DSCC1: variants seen among roughly 807,000 people sequenced by gnomAD.
DSCC1 encodes the protein sister chromatid cohesion protein DCC1.
A neutral mutation model predicts 48.2 loss-of-function variants in DSCC1; 32 were observed. That is an observed-to-expected ratio of 0.66 (90% CI 0.50 to 0.89). The LOEUF (loss-of-function observed/expected upper bound fraction) is 0.89, where lower values mean the gene tolerates loss of function less well. Among genes scored for constraint, DSCC1 ranks in the 40% least tolerant of loss-of-function variants. The pLI, the probability that DSCC1 is intolerant of heterozygous loss-of-function variation, is 0.00. For synonymous variants in DSCC1, 150 were observed against 171.5 expected, an observed-to-expected ratio of 0.87 and a Z score of 0.98; for missense variants, 421 against 471.7, an observed-to-expected ratio of 0.89 and a Z score of 1.00.
intron 3 of DSCC1, among the ~76,000 whole-genome samples, chr8:119,849,975 TC>T (rs1429214509): frequency 2.0e-5 from 3 of 152,154 alleles, no homozygotes; most frequent in Non-Finnish European, 4.4e-5. Flanking sequence ...TTCCATTATG[TC>T]CCCTCTCAAG....
chr8:119,849,184 CAAA>C (rs550853227), intron 3 of DSCC1, among the ~76,000 whole-genome samples: 11 of 29,506 alleles, frequency 3.7e-4, no homozygotes, highest in Admixed American at 1.0e-3. Context: ...GACTCCCTCT[CAAA>C]AAAAAAAAAA....
intron 8 of DSCC1, among the ~76,000 whole-genome samples, chr8:119,837,333 A>G (rs545185795): frequency 1.3e-5 from 2 of 152,206 alleles, no homozygotes; most frequent in African/African-American, 2.4e-5. Context: ...CAATTCATAC[A>G]CTACACAGGA....
chr8:119,855,277 A>C (rs1826999739), intron 1 of DSCC1, among the ~76,000 whole-genome samples: 1 of 152,230 alleles, frequency 6.6e-6, no homozygotes, highest in South Asian at 2.1e-4. Flanking sequence ...ATTGGGTATC[A>C]CCACTGTATT....
At chr8:119,840,447 G>A (rs1343527590) in intron 7 of DSCC1, 2 of 152,194 alleles carry the variant, frequency 1.3e-5, no homozygotes, top group African/African-American at 2.4e-5. Context: ...TTTGTGTGAA[G>A]GTCCTAAGGT....
At chr8:119,849,469 G>T (rs1329580571) in intron 3 of DSCC1, among the ~76,000 whole-genome samples, 1 of 152,082 alleles carries the variant, frequency 6.6e-6, no homozygotes, top group Non-Finnish European at 1.5e-5. Context: ...AAATGATCAC[G>T]CTAAGTGAAA....
At chr8:119,849,012 G>A (rs948148580) in intron 3 of DSCC1, among the ~76,000 whole-genome samples, 134 of 151,998 alleles carry the variant, frequency 8.8e-4, no homozygotes, top group African/African-American at 3.0e-3. Flanking sequence ...GTGAAACCCC[G>A]TCTCTACTAA....
chr8:119,849,017 T>C (rs1362519585), intron 3 of DSCC1, among the ~76,000 whole-genome samples: 2 of 151,758 alleles, frequency 1.3e-5, no homozygotes, highest in African/African-American at 4.8e-5. Flanking sequence ...ACCCCGTCTC[T>C]ACTAAAAATA....
At chr8:119,835,075 T>C (rs910149486) in intron 8 of DSCC1, 74 bp from the exon 9 acceptor site, 3 of 965,872 alleles carry the variant, frequency 3.1e-6, no homozygotes, top group African/African-American at 3.4e-5. Context: ...ATGTACTTAT[T>C]TTCTCTCTCT....
chr8:119,854,604 C>A (rs1056847693), intron 1 of DSCC1, among the ~76,000 whole-genome samples: 2 of 152,202 alleles, frequency 1.3e-5, no homozygotes, highest in Non-Finnish European at 2.9e-5. Flanking sequence ...CCCTACACCC[C>A]AAAATTAAAA....
chr8:119,846,615 G>A (rs1826860885), intron 4 of DSCC1, among the ~76,000 whole-genome samples: 1 of 152,142 alleles, frequency 6.6e-6, no homozygotes, highest in African/African-American at 2.4e-5. Flanking sequence ...CTAAAGAATA[G>A]TGGTGCCATC....
Position 119,843,838 on chromosome 8 carries a change from G to A in DSCC1, c.578-91C>T, listed in dbSNP as rs1032500926. 1.4e-5 allele frequency: 19 copies of A among 1,345,106 alleles called. No individual in the cohort carries two copies. In the African/African-American group the frequency reaches 2.5e-4, roughly 18 times the overall value. The allele number at this position is 1,345,106 out of a possible 1,614,324, so 83.3% of individuals were successfully genotyped here. On this transcript the variant is annotated intron_variant, in intron 4 of 8. Transcript: ENST00000313655. ...GTCACCCAAGCTGGAGTTCAGTGGC[G>A]TGATCTCAGCTCATCGCAACCTCCA... is the stretch of plus-strand genomic sequence containing the variant.
chr8:119,849,102 G>A (rs1326282691), intron 3 of DSCC1, among the ~76,000 whole-genome samples: 2 of 143,440 alleles, frequency 1.4e-5, no homozygotes, highest in African/African-American at 2.6e-5. Flanking sequence ...GGAGAATGGC[G>A]TGAACCCGGG....
In DSCC1 at chr8:119,842,896, G is replaced by A. The variant is rs552768829; in HGVS notation, c.717-68C>T. 99 of 1,283,998 alleles carry A rather than the reference G, an allele frequency of 7.7e-5. 1 individual carries two copies. The South Asian group carries it at 1.2e-3, about 16-fold the overall frequency. 79.5% of individuals were successfully genotyped at this position (1,283,998 alleles called of 1,614,324 possible). A position where few individuals can be genotyped will look rare whatever the true frequency, so the allele number is the denominator to read the frequency against. On this transcript the variant is annotated intron_variant, in intron 5 of 8. Transcript: ENST00000313655. ...TTATGCACTATATTTTAACCCCATT[G>A]CCAACTCAAAATTAAGAAAGAAATT...
chr8:119,847,639 A>G (rs901391585), intron 3 of DSCC1, among the ~76,000 whole-genome samples: 1 of 150,486 alleles, frequency 6.6e-6, no homozygotes, highest in Non-Finnish European at 1.5e-5. Context: ...ATACTTTAAA[A>G]TGGTAAATTT....
At chr8:119,845,344 C>T (rs1455095447) in intron 4 of DSCC1, among the ~76,000 whole-genome samples, 1 of 151,890 alleles carries the variant, frequency 6.6e-6, no homozygotes, top group Non-Finnish European at 1.5e-5. Flanking sequence ...CCTTGGCCTG[C>T]AAAGGGCTGG....
In DSCC1 at chr8:119,853,172, T is replaced by A; in HGVS notation, c.226A>T (p.Ser76Cys). 6.2e-7 allele frequency: 1 copy of A among 1,613,746 alleles called. No homozygotes were observed. Among genetic ancestry groups the A allele is most frequent in the Non-Finnish European group, 8.5e-7 (1 of 1,179,766 alleles). ...GDKDEQAVLC[S>C]KDKTYDLKIA... ...TTCAAGTCGTATGTTTTGTCTTTAC[T>A]GCACAGCACAGCTTGCTCGTCTTTA... is the stretch of plus-strand genomic sequence containing the variant. The change falls in exon 2 of 9, where the codon AGT (serine) becomes TGT (cysteine). Residue 76 changes from serine to cysteine, a missense_variant. Transcript: ENST00000313655.
In DSCC1 at chr8:119,834,687, A is replaced by G. The variant is rs368358013; in HGVS notation, c.*206T>C. The G allele has an allele frequency of 3.4e-5, 17 of 494,980 alleles. No individual in the cohort carries two copies. Among genetic ancestry groups the G allele is most frequent in the South Asian group, 2.5e-4 (10 of 40,226 alleles). 30.7% of individuals were successfully genotyped at this position (494,980 alleles called of 1,614,324 possible). ...AAAGAATTCTTTTGTCCTTGTTTAC[A>G]CTGTGTACATAGTACAAATATAATT... On this transcript the variant is annotated 3_prime_UTR_variant, in exon 9 of 9. Transcript: ENST00000313655.
intron 4 of DSCC1, among the ~76,000 whole-genome samples, chr8:119,844,011 A>C (rs2131300793): frequency 6.6e-6 from 1 of 152,046 alleles, no homozygotes; most frequent in South Asian, 2.1e-4. Context: ...TTCTGACCTC[A>C]CATCGTCAGC....
At chr8:119,840,752 G>A (rs28736344) in intron 7 of DSCC1, among the ~76,000 whole-genome samples, 110,137 of 151,220 alleles carry the variant, frequency 0.73, 41,342 homozygotes, top group African/African-American at 0.91. Context: ...TCTCTACTAA[G>A]CATACAAAAA....
Sources: allele counts gnomAD v4.1 joint callset (sites outside exome capture counted in the v4.1 genomes callset), GRCh38; gene constraint gnomAD v4.1.1; transcripts MANE v1.5; gene names NCBI Gene and HGNC (gene_info 2026-07-23, HGNC 2026-07-21).